ANXA8: variants seen among roughly 807,000 people sequenced by gnomAD.
ANXA8 encodes VAC-beta.
In ANXA8, 9 loss-of-function variants were observed where a neutral mutation model predicts 26.8. The ratio of observed to expected loss-of-function variants is 0.34; its 90% CI spans 0.20 to 0.59. The LOEUF is 0.59. Ranked by LOEUF, ANXA8 falls within the 20% of genes least tolerant of loss-of-function variation. The pLI, the probability that ANXA8 is intolerant of heterozygous loss-of-function variation, is 0.84. For missense variants in ANXA8, 83 were observed against 238.5 expected, an observed-to-expected ratio of 0.35 and a Z score of 4.29; for synonymous variants, 39 against 94.8, an observed-to-expected ratio of 0.41 and a Z score of 3.42.
At chr10:47,530,309 G>T in the ANXA8 span, among the ~76,000 whole-genome samples, 2 of 146,356 alleles carry the variant, frequency 1.4e-5, no homozygotes, top group African/African-American at 5.1e-5. Context: ...TACCCTGTCA[G>T]AGCACTTGCC....
the ANXA8 span, among the ~76,000 whole-genome samples, chr10:47,514,457 T>C: frequency 8.4e-6 from 1 of 119,212 alleles, no homozygotes; most frequent in Non-Finnish European, 1.7e-5. Flanking sequence ...CTTTGGGGAC[T>C]TGGGGGAAAG....
At chr10:47,640,155 CAAGGT>C in the ANXA8 span, among the ~76,000 whole-genome samples, 1 of 135,122 alleles carries the variant, frequency 7.4e-6, no homozygotes, top group Admixed American at 7.3e-5. Flanking sequence ...TGTTGGTTTT[CAAGGT>C]AAGTTTGACA....
chr10:47,771,432 A>G, the ANXA8 span, among the ~76,000 whole-genome samples: 2 of 149,916 alleles, frequency 1.3e-5, no homozygotes, highest in Admixed American at 6.6e-5. Context: ...TGGACATAGT[A>G]GAACAAAATA....
chr10:47,698,837 T>A, the ANXA8 span, among the ~76,000 whole-genome samples: 7 of 151,830 alleles, frequency 4.6e-5, no homozygotes, highest in Admixed American at 1.3e-4. Context: ...TCAAAAAAAA[T>A]TTTTTTCTTA....
At chr10:47,733,245 T>A in the ANXA8 span, among the ~76,000 whole-genome samples, 13 of 81,254 alleles carry the variant, frequency 1.6e-4, no homozygotes, top group Non-Finnish European at 3.1e-4. Context: ...CTTTCTTTCT[T>A]TCTTTCTTTC....
chr10:47,970,903 C>A, the ANXA8 span, among the ~76,000 whole-genome samples: 1 of 151,342 alleles, frequency 6.6e-6, no homozygotes, highest in Non-Finnish European at 1.5e-5. Context: ...GGATCTGGAC[C>A]ACAACTGTCA....
chr10:47,674,710 T>A, the ANXA8 span, among the ~76,000 whole-genome samples: 2 of 151,800 alleles, frequency 1.3e-5, no homozygotes, highest in Non-Finnish European at 2.9e-5. Flanking sequence ...TGTCTCTTCT[T>A]CCTCATTTAT....
chr10:47,957,166 T>A, the ANXA8 span, among the ~76,000 whole-genome samples: 2 of 149,972 alleles, frequency 1.3e-5, no homozygotes, highest in Non-Finnish European at 2.9e-5. Flanking sequence ...TTATTCATGA[T>A]CTCTCTGTGC....
chr10:47,918,379 G>GAAAGAA, the ANXA8 span, among the ~76,000 whole-genome samples: 1 of 12,914 alleles, frequency 7.7e-5, no homozygotes, highest in African/African-American at 4.8e-4. Context: ...GAGAGAGAGA[G>GAAAGAA]AGAGAGAAAG....
At chr10:47,761,085 AACAC>A in the ANXA8 span, among the ~76,000 whole-genome samples, 3 of 120,750 alleles carry the variant, frequency 2.5e-5, no homozygotes, top group African/African-American at 8.9e-5. Flanking sequence ...CATACCAGGC[AACAC>A]ACACACACAC....
chr10:47,486,128 A>T (rs1244986479), upstream of ANXA8, among the ~76,000 whole-genome samples: 20 of 151,646 alleles, frequency 1.3e-4, no homozygotes, highest in Admixed American at 9.9e-4. Context: ...AAAAATCAAC[A>T]GCAGCTTCTA....
At chr10:47,554,187 TGTGGTCC>T in the ANXA8 span, among the ~76,000 whole-genome samples, 1 of 135,904 alleles carries the variant, frequency 7.4e-6, no homozygotes, top group Non-Finnish European at 1.6e-5. Flanking sequence ...CTGTGGTCCC[TGTGGTCC>T]CTGTGGTCCC....
chr10:47,555,642 T>C, the ANXA8 span, among the ~76,000 whole-genome samples: 1 of 151,996 alleles, frequency 6.6e-6, no homozygotes, highest in African/African-American at 2.4e-5. Context: ...TTTGGATGTT[T>C]AATGGACATT....
At chr10:47,573,768 T>A in the ANXA8 span, among the ~76,000 whole-genome samples, 3 of 133,144 alleles carry the variant, frequency 2.3e-5, 1 homozygote, top group African/African-American at 8.5e-5. Flanking sequence ...GTTTTTAAGT[T>A]TTTTGTTGTC....
chr10:47,484,363 C>T (rs3006278), upstream of ANXA8: 48 of 826,518 alleles, frequency 5.8e-5, 1 homozygote, highest in Non-Finnish European at 7.8e-5. Flanking sequence ...GGATTACAGG[C>T]ATGAGCCACC....
chr10:47,574,499 CAATA>C, the ANXA8 span, among the ~76,000 whole-genome samples: 2,822 of 107,912 alleles, frequency 0.026, 95 homozygotes, highest in African/African-American at 0.1. Context: ...AAGTTATAAA[CAATA>C]TATATATGGT....
chr10:47,556,387 T>C, the ANXA8 span, among the ~76,000 whole-genome samples: 2 of 152,128 alleles, frequency 1.3e-5, no homozygotes, highest in South Asian at 4.1e-4. Context: ...AACAAGTTAC[T>C]GTTATCTTTT....
chr10:47,948,279 T>A, the ANXA8 span, among the ~76,000 whole-genome samples: 1 of 117,936 alleles, frequency 8.5e-6, no homozygotes, highest in African/African-American at 3.7e-5. Context: ...GAAGTGCAAC[T>A]CCTACCAAGA....
chr10:47,647,383 GATATC>G, the ANXA8 span, among the ~76,000 whole-genome samples: 7 of 150,920 alleles, frequency 4.6e-5, no homozygotes, highest in South Asian at 2.1e-4. Flanking sequence ...CTGTGTGAAT[GATATC>G]ATATTATATT....
Sources: allele counts gnomAD v4.1 joint callset (sites outside exome capture counted in the v4.1 genomes callset), GRCh38; gene constraint gnomAD v4.1.1; transcripts MANE v1.5; gene names NCBI Gene and HGNC (gene_info 2026-07-23, HGNC 2026-07-21).